RYR2: variants seen among roughly 807,000 people sequenced by gnomAD.
The protein encoded by RYR2 is ryanodine receptor 2, also known as cardiac muscle ryanodine receptor-calcium release channel.
RYR2 carries 227 observed loss-of-function variants against 601.1 expected under a neutral mutation model. That is an observed-to-expected ratio of 0.38 (90% confidence interval 0.34 to 0.42). The LOEUF (loss-of-function observed/expected upper bound fraction) is 0.42. Ranked by LOEUF, RYR2 falls within the 10% of genes least tolerant of loss-of-function variation. The pLI, the probability that RYR2 is intolerant of heterozygous loss-of-function variation, is 1.00. For missense variants in RYR2, 4,646 were observed against 6,156.5 expected, an observed-to-expected ratio of 0.75 and a Z score of 8.21; for synonymous variants, 2,223 against 2,175.1, an observed-to-expected ratio of 1.02 and a Z score of -0.61.
rs773047111 is a variant in RYR2, at chr1:237,594,885, G to GGTTTTTTTTGTTTTTTT, written c.4437-604_4437-603insGTTTTTTTGTTTTTTTT. Among the ~76,000 whole-genome samples the GGTTTTTTTTGTTTTTTT allele has an allele frequency of 8.9e-5, 7 of 79,058 alleles. 1 individual carries two copies. The East Asian group carries it at 2.8e-3, about 32-fold the overall frequency. 51.9% of individuals were successfully genotyped at this position (79,058 alleles called of 152,430 possible). ...GTGGCATTTGTGGTTAATATCACTG[G>GGTTTTTTTTGTTTTTTT]GTTTTTTTTTTTTTTTTTTTTTTTT... On this transcript the variant is annotated intron_variant, in intron 33 of 104. Transcript: ENST00000366574.
At chr1:237,468,318 G>A (rs1411064623) in intron 16 of RYR2, among the ~76,000 whole-genome samples, 1 of 152,158 alleles carries the variant, frequency 6.6e-6, no homozygotes, top group South Asian at 2.1e-4. Flanking sequence ...TGCTTTGAAA[G>A]AATTTAATGA....
At chr1:237,690,814 C>T (rs936470644) in intron 63 of RYR2, among the ~76,000 whole-genome samples, 5 of 152,128 alleles carry the variant, frequency 3.3e-5, no homozygotes, top group African/African-American at 4.8e-5. Flanking sequence ...AGTGAGCCAA[C>T]ATTGCACACC....
intron 2 of RYR2, among the ~76,000 whole-genome samples, chr1:237,281,579 G>A (rs888196181): frequency 1.3e-5 from 2 of 152,222 alleles, no homozygotes; most frequent in Non-Finnish European, 2.9e-5. Flanking sequence ...GTCAGCTTCA[G>A]CCAAAGGGGG....
intron 3 of RYR2, among the ~76,000 whole-genome samples, chr1:237,334,916 G>A (rs1697102296): frequency 6.6e-6 from 1 of 152,166 alleles, no homozygotes; most frequent in Non-Finnish European, 1.5e-5. Flanking sequence ...GTGGCTTTGG[G>A]AAAGATAACT....
chr1:237,703,069 TATA>T (rs756716295), intron 66 of RYR2, among the ~76,000 whole-genome samples: 10 of 151,980 alleles, frequency 6.6e-5, no homozygotes, highest in African/African-American at 2.4e-4. Flanking sequence ...CACTAATATA[TATA>T]ATGCCAGATC....
rs766515965 is a variant in RYR2 at position 237,772,093 on chromosome 1, G to C, written c.11639G>C (p.Arg3880Thr). The C allele has an allele frequency of 5.3e-6, 8 of 1,505,086 alleles. No homozygotes were observed. The highest frequency in any genetic ancestry group is 7.3e-6 in the Non-Finnish European group (8 of 1,100,958). The allele number at this position is 1,505,086 out of a possible 1,614,324, so 93.2% of individuals were successfully genotyped here. A position where few individuals can be genotyped will look rare whatever the true frequency, so the allele number is the denominator to read the frequency against. ...IIISTVDYLL[R>T]VQESISDFYW... ...ATCTCCACTGTAGACTACCTACTGA[G>C]AGTTCAGGTATGTTGCTTTCCATAT... Residue 3880 changes from arginine to threonine, a missense_variant, in exon 86 of 105, where the codon AGA becomes ACA. Transcript: ENST00000366574.
chr1:237,473,431 C>CTCTTTCTT lies in RYR2; in HGVS notation c.1708+4268_1708+4275dup, dbSNP rs58358151. Among the ~76,000 whole-genome samples the CTCTTTCTT allele has an allele frequency of 2.5e-3, 288 of 115,854 alleles. 4 individuals carry two copies. The highest frequency in any genetic ancestry group is 8.5e-3 in the African/African-American group (268 of 31,568). 76.0% of individuals were successfully genotyped at this position (115,854 alleles called of 152,430 possible). ...AGAACGAGACTCCATCTCTCTCTCT[C>CTCTTTCTT]TCTTTCTTTCTTTCTTTCTTTCTTT... On this transcript the variant is annotated intron_variant, in intron 17 of 104. Coordinates refer to ENST00000366574, the MANE Select transcript of RYR2 (RefSeq NM_001035.3).
intron 1 of RYR2, among the ~76,000 whole-genome samples, chr1:237,182,146 G>A (rs969337257): frequency 2.5e-5 from 3 of 120,266 alleles, no homozygotes; most frequent in Non-Finnish European, 6.0e-5. Context: ...TTTTGAGATG[G>A]AGTCGCACTC....
intron 7 of RYR2, among the ~76,000 whole-genome samples, chr1:237,376,487 G>T (rs944166675): frequency 6.6e-6 from 1 of 150,716 alleles, no homozygotes; most frequent in Admixed American, 6.6e-5. Flanking sequence ...ACACCATAAA[G>T]TTGAGTGAAG....
intron 1 of RYR2, among the ~76,000 whole-genome samples, chr1:237,136,106 A>G (rs532593887): frequency 9.2e-5 from 14 of 152,346 alleles, no homozygotes; most frequent in African/African-American, 3.4e-4. Context: ...TTGAGTGTCC[A>G]TGACAAATGA....
rs141340445 is a variant in RYR2 at position 237,093,292 on chromosome 1, C to T, written c.48+50723C>T. On this transcript the variant is annotated intron_variant, in intron 1 of 104. Transcript: ENST00000366574. ...TGTTGTAGTGACATTGGCTGGGACA[C>T]GACCTCAGAAGCCCATAGTGATGGT... is the stretch of plus-strand genomic sequence containing the variant. Among the ~76,000 whole-genome samples, 36 of 152,264 alleles carry T rather than the reference C, an allele frequency of 2.4e-4. No individual in the cohort carries two copies. In the East Asian group the frequency reaches 5.0e-3, roughly 21 times the overall value.
intron 32 of RYR2, 84 bp downstream of exon 32, chr1:237,591,937 T>C (rs923354482): frequency 3.3e-6 from 3 of 908,338 alleles, no homozygotes; most frequent in African/African-American, 1.7e-5. Flanking sequence ...CGATTCATCA[T>C]ACTTAGTAAC....
chr1:237,164,097 C>T (rs1676348796), intron 1 of RYR2, among the ~76,000 whole-genome samples: 1 of 152,168 alleles, frequency 6.6e-6, no homozygotes, highest in African/African-American at 2.4e-5. Flanking sequence ...ACCAGCCTGG[C>T]CAATGTGGTG....
intron 1 of RYR2, among the ~76,000 whole-genome samples, chr1:237,134,640 G>A (rs567826450): frequency 2.6e-5 from 4 of 152,250 alleles, no homozygotes; most frequent in African/African-American, 2.4e-5. Flanking sequence ...ACAGCCAAAC[G>A]ATATCAATCA....
At chr1:237,499,258 G>A (rs1301055709) in intron 20 of RYR2, among the ~76,000 whole-genome samples, 2 of 152,108 alleles carry the variant, frequency 1.3e-5, no homozygotes, top group Non-Finnish European at 2.9e-5. Context: ...AAACTTTGCG[G>A]TGTTGCTACA....
intron 1 of RYR2, among the ~76,000 whole-genome samples, chr1:237,067,833 G>A (rs1663837149): frequency 6.6e-6 from 1 of 152,084 alleles, no homozygotes. Context: ...TTAACATCCT[G>A]CGCTTTAATT....
In RYR2 at chr1:237,453,817, A is replaced by T. The variant is rs189386082; in HGVS notation, c.1293-574A>T. On this transcript the variant is annotated intron_variant, in intron 14 of 104. Coordinates refer to ENST00000366574, the MANE Select transcript of RYR2 (RefSeq NM_001035.3). ...TATATCTTTCTTCCAAGGCTAGAAA[A>T]TACTTCATGATATTTTTGTTAGTAT... 4.6e-3 allele frequency among the ~76,000 whole-genome samples: 708 copies of T among 152,302 alleles called. 4 individuals carry two copies. The highest frequency in any genetic ancestry group is 0.016 in the African/African-American group (674 of 41,576).
intron 24 of RYR2, among the ~76,000 whole-genome samples, chr1:237,529,820 G>C (rs10925448): frequency 7.0e-6 from 1 of 142,658 alleles, no homozygotes; most frequent in Non-Finnish European, 1.5e-5. Flanking sequence ...GCTTTAGTAG[G>C]TACATAGACT....
At chr1:237,586,182 A>C (rs576397269) in intron 29 of RYR2, among the ~76,000 whole-genome samples, 1 of 152,298 alleles carries the variant, frequency 6.6e-6, no homozygotes, top group Admixed American at 6.5e-5. Flanking sequence ...TGCTTTGGTA[A>C]CACCTGTATA....
Sources: allele counts gnomAD v4.1 joint callset (sites outside exome capture counted in the v4.1 genomes callset), GRCh38; gene constraint gnomAD v4.1.1; transcripts MANE v1.5; gene names NCBI Gene and HGNC (gene_info 2026-07-23, HGNC 2026-07-21).